Variants in BCO2 observed in about 807,000 individuals in gnomAD.
BCO2 encodes the protein carotenoid-cleaving dioxygenase, mitochondrial.
BCO2 carries 56 observed loss-of-function variants against 65.8 expected under a neutral mutation model. The ratio of observed to expected loss-of-function variants is 0.85; its 90% CI spans 0.69 to 1.06. The LOEUF (loss-of-function observed/expected upper bound fraction) is 1.06. Ranked by LOEUF, BCO2 falls within the 50% of genes least tolerant of loss-of-function variation. BCO2 has a pLI of 0.00. For synonymous variants in BCO2, 233 were observed against 242.3 expected (o/e 0.96, Z 0.36); for missense variants, 675 against 698.5 (o/e 0.97, Z 0.38).
chr11:112,195,278 G>T (rs1867538330), intron 5 of BCO2, among the ~76,000 whole-genome samples: 1 of 151,854 alleles, frequency 6.6e-6, no homozygotes, highest in Admixed American at 6.6e-5. Flanking sequence ...GGGACTGCAG[G>T]TGTCCTCTGC....
At chr11:112,200,871 C>A in intron 7 of BCO2, 98 bp downstream of exon 7, 2 of 1,296,484 alleles carry the variant, frequency 1.5e-6, no homozygotes, top group Non-Finnish European at 2.2e-6. Context: ...GTTAAAAGTG[C>A]ATAAGACACT....
At chr11:112,177,198 T>A (rs567751386) in intron 1 of BCO2, among the ~76,000 whole-genome samples, 59 of 152,332 alleles carry the variant, frequency 3.9e-4, no homozygotes, top group African/African-American at 1.3e-3. Context: ...TGGTGCATAA[T>A]GTTAATAAAA....
chr11:112,217,441 C>A lies in BCO2; in HGVS notation c.1627-320C>A, dbSNP rs528777088. ...GCAGTGGCACAGTCTCAGCCCACTGCAACCTCTGCCTCCCAGGCTCAAGCG... is the reference window on the plus strand; with the variant it reads ...GCAGTGGCACAGTCTCAGCCCACTGAAACCTCTGCCTCCCAGGCTCAAGCG... On this transcript the variant is annotated intron_variant, in intron 11 of 11. Coordinates refer to ENST00000357685, the MANE Select transcript of BCO2 (RefSeq NM_031938.7). 1.5e-4 allele frequency among the ~76,000 whole-genome samples: 23 copies of A among 152,344 alleles called. No individual in the cohort carries two copies. The South Asian group carries it at 4.6e-3, about 30-fold the overall frequency.
At chr11:112,213,968 C>A in intron 9 of BCO2, 107 bp downstream of exon 9, 1 of 952,388 alleles carries the variant, frequency 1.0e-6, no homozygotes, top group Non-Finnish European at 1.5e-6. Flanking sequence ...TTATAACATT[C>A]ATCCGAGCAG....
At chr11:112,183,124 C>T in intron 2 of BCO2, 2 of 1,275,760 alleles carry the variant, frequency 1.6e-6, no homozygotes, top group East Asian at 2.3e-5. Flanking sequence ...CTGAGAGGGT[C>T]CAACATGAAG....
chr11:112,216,105 G>T, intron 10 of BCO2, 115 bp from the exon 11 acceptor site: 1 of 708,524 alleles, frequency 1.4e-6, no homozygotes, highest in Non-Finnish European at 2.5e-6. Flanking sequence ...AGCTTTGGAG[G>T]GGACACACAT....
In BCO2 at chr11:112,199,745, T is replaced by C; in HGVS notation, c.783T>C (p.Leu261=). The C allele has an allele frequency of 6.2e-7, 1 of 1,613,696 alleles. No individual in the cohort carries two copies. The highest frequency in any genetic ancestry group is 1.1e-5 in the South Asian group (1 of 91,062). Residue 261 remains leucine (L), a synonymous_variant, in exon 6 of 12, where the codon CTT becomes CTC. Transcript: ENST00000357685. ...GGGTTCCTCCAGAGAAGGTGGACCT[T>C]GGGGAGACAATCCATGGAGTCCAGG... ...VIRVPPEKVD[L]GETIHGVQVI...
At chr11:112,217,260 T>G (rs745543205) in intron 11 of BCO2, among the ~76,000 whole-genome samples, 1 of 152,250 alleles carries the variant, frequency 6.6e-6, no homozygotes, top group Non-Finnish European at 1.5e-5. Flanking sequence ...GTTCAGCAAC[T>G]GAGGAAACAA....
At chr11:112,201,956 C>A in intron 7 of BCO2, 67 bp from the exon 8 acceptor site, 1 of 1,409,790 alleles carries the variant, frequency 7.1e-7, no homozygotes, top group Non-Finnish European at 9.4e-7. Context: ...GACCTGTTTC[C>A]TAAAGGAAAG....
intron 5 of BCO2, 30 bp downstream of exon 5, chr11:112,194,785 A>G (rs760447102): frequency 4.9e-6 from 7 of 1,438,708 alleles, no homozygotes; most frequent in African/African-American, 4.2e-5. Context: ...CTTTTTAGAA[A>G]TAATTGAGAC....
chr11:112,181,545 A>G (rs1189779971), intron 2 of BCO2: 2 of 746,160 alleles, frequency 2.7e-6, no homozygotes, highest in Non-Finnish European at 5.0e-6. Flanking sequence ...TGCATCGTGG[A>G]CAGCTCATTG....
chr11:112,200,767 T>C lies in BCO2; in HGVS notation c.1020T>C (p.Thr340=). The change falls in exon 7 of 12, where the codon ACT becomes ACC. Residue 340 remains threonine (T), a synonymous_variant. Transcript: ENST00000357685. ...NTRFHVVEKR[T]GQLLPGRYYS... ...GGTTTCATGTGGTGGAAAAACGCAC[T>C]GGACAGGTGGAGTATTTTGAGTATA... 1 of 1,612,934 alleles carries C rather than the reference T, an allele frequency of 6.2e-7. No individual in the cohort carries two copies.
At chr11:112,201,977 G>T in intron 7 of BCO2, 46 bp from the exon 8 acceptor site, 1 of 1,495,796 alleles carries the variant, frequency 6.7e-7, no homozygotes, top group Non-Finnish European at 8.9e-7. Context: ...GGAAAAAGAA[G>T]AAAACTAAAA....
At position 112,218,108 on chromosome 11, in the gene BCO2, A is replaced by C; in HGVS notation, c.*234A>C. ...TAACAAGCCTGCACATGTACCCCAG[A>C]ATCTAAAATAAAAATAAAAAGAAAA... On this transcript the variant is annotated 3_prime_UTR_variant, in exon 12 of 12. Coordinates refer to ENST00000357685, the MANE Select transcript of BCO2 (RefSeq NM_031938.7). 5.4e-6 allele frequency: 2 copies of C among 373,244 alleles called. No individual in the cohort carries two copies. The highest frequency in any genetic ancestry group is 8.3e-5 in the East Asian group (2 of 23,980). The allele number at this position is 373,244 out of a possible 1,614,324, so 23.1% of individuals were successfully genotyped here. A position where few individuals can be genotyped will look rare whatever the true frequency, so the allele number is the denominator to read the frequency against.
At chr11:112,177,429 T>C (rs1037943264) in intron 1 of BCO2, among the ~76,000 whole-genome samples, 1 of 152,212 alleles carries the variant, frequency 6.6e-6, no homozygotes, top group Non-Finnish European at 1.5e-5. Flanking sequence ...TACCAGACTC[T>C]GAGAAACAAT....
rs866835518 is a variant in BCO2, at chr11:112,182,854, A to T, written c.293+3372A>T. On this transcript the variant is annotated intron_variant, in intron 2 of 11. Coordinates refer to ENST00000357685, the MANE Select transcript of BCO2 (RefSeq NM_031938.7). ...GTACCCTAGAACTTATATATATATAAAAAGATGCTCTGTTCTAATGTGGAA... is the reference window on the plus strand; with the variant it reads ...GTACCCTAGAACTTATATATATATATAAAGATGCTCTGTTCTAATGTGGAA... 69 of 937,138 alleles carry T rather than the reference A, an allele frequency of 7.4e-5. 2 individuals carry two copies. In the Middle Eastern group the frequency reaches 9.8e-4, roughly 13 times the overall value. The allele number at this position is 937,138 out of a possible 1,614,324, so 58.1% of individuals were successfully genotyped here.
In BCO2 at chr11:112,193,989, GA is replaced by G; in HGVS notation, c.632del (p.Lys211ArgfsTer2). On this transcript the variant is annotated frameshift_variant, in exon 4 of 12. Coordinates refer to ENST00000357685, the MANE Select transcript of BCO2 (RefSeq NM_031938.7). LOFTEE classifies it high-confidence loss of function. ...GGACATTGAAACTCTGGAAAAAACA[GA>G]AAAGGTAAAGTACAGGTAAAAAAAA... ...KVDIETLEKT[E>X]KVDWSKFIAV... is the part of the protein sequence containing the mutation. The G allele has an allele frequency of 6.4e-7, 1 of 1,554,988 alleles. No individual in the cohort carries two copies. The highest frequency in any genetic ancestry group is 8.9e-7 in the Non-Finnish European group (1 of 1,126,716).
At position 112,214,798 on chromosome 11, in the gene BCO2, C is replaced by G. The variant is rs985790058; in HGVS notation, c.1369C>G (p.Leu457Val). Reference sequence around the variant, plus strand: ...TCATGAAAATCTACATCAGGAGGACCTAGAAAAGGAAGGAGGCATTGAATT... The same window carrying G: ...TCATGAAAATCTACATCAGGAGGACGTAGAAAAGGAAGGAGGCATTGAATT... Reference protein sequence around the residue: ...CSHENLHQEDLEKEGGIEFPQ... With the variant: ...CSHENLHQEDVEKEGGIEFPQ... Residue 457 changes from leucine (L) to valine (V), a missense_variant, in exon 10 of 12, where the codon CTA becomes GTA. Physicochemically the swap from Leu to Val is conservative, Grantham distance 32. Transcript: ENST00000357685. 16 of 1,613,626 alleles carry G rather than the reference C, an allele frequency of 9.9e-6. No homozygotes were observed. The East Asian group carries it at 3.1e-4, about 31-fold the overall frequency.
chr11:112,200,451 C>T (rs1864349), intron 6 of BCO2, 162 bp from the exon 7 acceptor site: 558,404 of 576,220 alleles, frequency 0.97, 271,022 homozygotes, highest in East Asian at 1. Context: ...ACAGGAAATA[C>T]GTATAGTAAA....
Sources: allele counts gnomAD v4.1 joint callset (sites outside exome capture counted in the v4.1 genomes callset), GRCh38; gene constraint gnomAD v4.1.1; transcripts MANE v1.5; gene names NCBI Gene and HGNC (gene_info 2026-07-23, HGNC 2026-07-21).